MYLK: variants seen among roughly 807,000 people sequenced by gnomAD.
MYLK encodes the protein myosin light chain kinase, smooth muscle.
Under a neutral mutation model 203.4 loss-of-function variants are expected in MYLK, and 106 were observed. The ratio of observed to expected loss-of-function variants is 0.52; its 90% CI spans 0.45 to 0.61. The LOEUF (loss-of-function observed/expected upper bound fraction) is 0.61. Ranked by LOEUF, MYLK falls within the 20% of genes least tolerant of loss-of-function variation. The pLI, the probability that MYLK is intolerant of heterozygous loss-of-function variation, is 0.00. For missense variants in MYLK, 2,072 were observed against 2,442.3 expected, an observed-to-expected ratio of 0.85 and a Z score of 3.20; for synonymous variants, 867 against 959.5, an observed-to-expected ratio of 0.90 and a Z score of 1.78.
At chr3:123,867,187 C>T (rs1004327865) in intron 2 of MYLK, among the ~76,000 whole-genome samples, 1 of 152,074 alleles carries the variant, frequency 6.6e-6, no homozygotes, top group African/African-American at 2.4e-5. Context: ...ATTTTCTCCA[C>T]CAACAGCCCC....
At chr3:123,777,261 C>T (rs2064113201) in intron 4 of MYLK, among the ~76,000 whole-genome samples, 1 of 152,238 alleles carries the variant, frequency 6.6e-6, no homozygotes, top group Non-Finnish European at 1.5e-5. Flanking sequence ...ATTATTATTC[C>T]CATCTCAGCT....
At chr3:123,724,202 G>A (rs1239791277) in intron 12 of MYLK, among the ~76,000 whole-genome samples, 5 of 112,190 alleles carry the variant, frequency 4.5e-5, no homozygotes, top group African/African-American at 7.0e-5. Flanking sequence ...GGCTGGTCTT[G>A]AACTCCTGAG....
In MYLK at chr3:123,709,740, A is replaced by G. The variant is rs1314298797; in HGVS notation, c.1942+16T>C. ...ATTTTCATGTTAATCCCCAAGAGAGAGCTGCAGAGACAGACCTGACACTTG... is the reference window on the plus strand; with the variant it reads ...ATTTTCATGTTAATCCCCAAGAGAGGGCTGCAGAGACAGACCTGACACTTG... On this transcript the variant is annotated intron_variant, in intron 14 of 33. Transcript: ENST00000360304. The G allele has an allele frequency of 6.2e-7, 1 of 1,613,272 alleles. No individual in the cohort carries two copies.
At chr3:123,794,690 A>G (rs938466674) in intron 3 of MYLK, among the ~76,000 whole-genome samples, 2 of 152,246 alleles carry the variant, frequency 1.3e-5, no homozygotes, top group African/African-American at 4.8e-5. Flanking sequence ...AGGGGCTGAC[A>G]TGAGAAGTAA....
intron 4 of MYLK, among the ~76,000 whole-genome samples, chr3:123,760,527 A>C (rs2063502190): frequency 6.6e-6 from 1 of 152,226 alleles, no homozygotes; most frequent in Non-Finnish European, 1.5e-5. Flanking sequence ...CCACATTAAT[A>C]GATTCTAAAG....
chr3:123,820,731 T>C (rs1361719836), intron 3 of MYLK, among the ~76,000 whole-genome samples: 1 of 151,346 alleles, frequency 6.6e-6, no homozygotes, highest in Non-Finnish European at 1.5e-5. Flanking sequence ...CTCTCTTTTA[T>C]TCTTTTCTTT....
chr3:123,633,219 C>CA (rs1259901080), intron 29 of MYLK, among the ~76,000 whole-genome samples: 2 of 152,136 alleles, frequency 1.3e-5, no homozygotes, highest in East Asian at 3.9e-4. Flanking sequence ...TCAACCTCCC[C>CA]AGGCTTAGGT....
intron 12 of MYLK, 51 bp downstream of exon 12, chr3:123,725,893 G>A (rs559200749): frequency 1.8e-5 from 28 of 1,596,314 alleles, no homozygotes; most frequent in Admixed American, 8.5e-5. Flanking sequence ...TTCAGGCAGC[G>A]CCAAAGGGCC....
At chr3:123,862,489 T>C (rs1481494461) in intron 2 of MYLK, among the ~76,000 whole-genome samples, 1 of 152,104 alleles carries the variant, frequency 6.6e-6, no homozygotes, top group African/African-American at 2.4e-5. Flanking sequence ...GATCACAGAG[T>C]GAGCTGCAAG....
chr3:123,666,461 T>G (rs1028103086), intron 21 of MYLK, 115 bp from the exon 22 acceptor site: 1 of 1,455,770 alleles, frequency 6.9e-7, no homozygotes, highest in Non-Finnish European at 9.4e-7. Context: ...TCCGGAACCT[T>G]CAGGGTAAGA....
rs182303492 is a variant in MYLK at position 123,865,967 on chromosome 3, C to T, written c.-127+10592G>A. Among the ~76,000 whole-genome samples the T allele has an allele frequency of 1.1e-4, 16 of 152,282 alleles. No individual in the cohort carries two copies. The East Asian group carries it at 2.7e-3, about 26-fold the overall frequency. On this transcript the variant is annotated intron_variant, in intron 2 of 33. Coordinates refer to ENST00000360304, the MANE Select transcript of MYLK (RefSeq NM_053025.4). ...AGGAAGCCCAAGCCACATGGAGAGG[C>T]CATATGTAGGCACTCTGGCTCCAGG...
Position 123,701,467 on chromosome 3 carries a change from T to A in MYLK, c.2433A>T (p.Leu811=), listed in dbSNP as rs1320156713. Residue 811 remains leucine, a synonymous_variant, in exon 17 of 34, where the codon CTA becomes CTT. Coordinates refer to ENST00000360304, the MANE Select transcript of MYLK (RefSeq NM_053025.4). ...GECSCQVSLM[L]QNSSARALPR... ...GAAGGGCTCTGGCAGAGCTGTTCTG[T>A]AGCATCAGTGACACCTGGCAACTGC... 1 of 1,614,046 alleles carries A rather than the reference T, an allele frequency of 6.2e-7. No individual in the cohort carries two copies. The highest frequency in any genetic ancestry group is 1.1e-5 in the South Asian group (1 of 91,074).
At chr3:123,692,148 G>A (rs953346516) in intron 19 of MYLK, 6 of 242,814 alleles carry the variant, frequency 2.5e-5, no homozygotes, top group Admixed American at 1.6e-4. Context: ...CAGAAACTCC[G>A]CTAAGACCTG....
chr3:123,622,415 T>C (rs1001420372), intron 31 of MYLK: 2 of 152,228 alleles, frequency 1.3e-5, no homozygotes, highest in African/African-American at 2.4e-5. Flanking sequence ...TTTATATCCA[T>C]AAATGTGTAG....
chr3:123,773,649 C>T (rs376533499), intron 4 of MYLK, among the ~76,000 whole-genome samples: 8 of 152,234 alleles, frequency 5.3e-5, no homozygotes, highest in East Asian at 3.9e-4. Flanking sequence ...AGCAGCCTTC[C>T]GATAGAAAAG....
chr3:123,716,635 C>T lies in MYLK; in HGVS notation c.1804+5493G>A, dbSNP rs570937670. On this transcript the variant is annotated intron_variant, in intron 13 of 33. Transcript: ENST00000360304. The stretch of plus-strand genomic sequence containing the variant: ...ACATAAAGGTATGGCATCCAAACCA[C>T]CCACTGTTCCCTCCCAGTGCGGGCC... Among the ~76,000 whole-genome samples, 5 of 152,302 alleles carry T rather than the reference C, an allele frequency of 3.3e-5. No individual in the cohort carries two copies. In the South Asian group the frequency reaches 1.0e-3, roughly 32 times the overall value.
At position 123,708,769 on chromosome 3, in the gene MYLK, G is replaced by A. The variant is rs368417112; in HGVS notation, c.2069C>T (p.Thr690Met). 32 of 1,614,156 alleles carry A rather than the reference G, an allele frequency of 2.0e-5. No individual in the cohort carries two copies. The highest frequency in any genetic ancestry group is 1.7e-4 in the Middle Eastern group (1 of 6,060). The part of the protein sequence containing the change: ...LCIQEVFPED[T>M]GTYTCEAWNS... ...CCAGGCCTCGCAGGTGTACGTGCCC[G>A]TGTCCTCCGGGAACACTTCCTGGAT... The change falls in exon 15 of 34, where the codon ACG becomes ATG. Residue 690 changes from threonine to methionine, a missense_variant. By Grantham distance (81) the Thr-to-Met change is moderately conservative. Coordinates refer to ENST00000360304, the MANE Select transcript of MYLK (RefSeq NM_053025.4).
chr3:123,735,346 T>G lies in MYLK; in HGVS notation c.773+52A>C, dbSNP rs145973107. 1.7e-3 allele frequency: 2,678 copies of G among 1,609,938 alleles called. 14 individuals carry two copies. Among genetic ancestry groups the G allele is most frequent in the Middle Eastern group, 7.8e-3 (47 of 6,054 alleles). On this transcript the variant is annotated intron_variant, in intron 9 of 33. Transcript: ENST00000360304. The stretch of plus-strand genomic sequence containing the variant: ...TTCAGGGCATTTCTCGGTAACATCC[T>G]TGCAGGGCATTTCAAGAGGGAAAAC...
intron 3 of MYLK, among the ~76,000 whole-genome samples, chr3:123,795,944 G>A (rs2064969911): frequency 6.6e-6 from 1 of 152,190 alleles, no homozygotes; most frequent in African/African-American, 2.4e-5. Context: ...AAAATAAAAT[G>A]GGGATATCTC....
Sources: allele counts gnomAD v4.1 joint callset (sites outside exome capture counted in the v4.1 genomes callset), GRCh38; gene constraint gnomAD v4.1.1; transcripts MANE v1.5; gene names NCBI Gene and HGNC (gene_info 2026-07-23, HGNC 2026-07-21).